Variants in SLC35D1 observed in about 807,000 individuals in gnomAD.
SLC35D1 encodes nucleotide sugar transporter SLC35D1.
SLC35D1 carries 31 observed loss-of-function variants against 46.7 expected under a neutral mutation model. The observed-to-expected ratio is 0.66, with a 90% CI of 0.50 to 0.90. The LOEUF is 0.90. Ranked by LOEUF, SLC35D1 falls within the 40% of genes least tolerant of loss-of-function variation. SLC35D1 has a pLI of 0.00. For synonymous variants in SLC35D1, 195 were observed against 164.6 expected, an observed-to-expected ratio of 1.18 and a Z score of -1.41; for missense variants, 397 against 426.2, an observed-to-expected ratio of 0.93 and a Z score of 0.60.
chr1:67,015,301 CTAAT>C (rs1667662089), intron 10 of SLC35D1, among the ~76,000 whole-genome samples: 1 of 150,964 alleles, frequency 6.6e-6, no homozygotes, highest in Non-Finnish European at 1.5e-5. Context: ...TGTGGTCAAA[CTAAT>C]TAAAATTAAA....
At chr1:67,020,952 A>G (rs1255060103) in intron 9 of SLC35D1, among the ~76,000 whole-genome samples, 1 of 152,242 alleles carries the variant, frequency 6.6e-6, no homozygotes, top group Non-Finnish European at 1.5e-5. Flanking sequence ...GAGGCTTCTC[A>G]GCTTAAGTAC....
intron 8 of SLC35D1, among the ~76,000 whole-genome samples, chr1:67,034,404 C>T (rs1382205737): frequency 1.3e-5 from 2 of 152,068 alleles, no homozygotes; most frequent in African/African-American, 4.8e-5. Flanking sequence ...AAAGACTTTT[C>T]ACTTCTTTGG....
chr1:67,019,817 A>T (rs1418262851), intron 10 of SLC35D1, among the ~76,000 whole-genome samples: 1 of 152,198 alleles, frequency 6.6e-6, no homozygotes, highest in Non-Finnish European at 1.5e-5. Context: ...ACTTTAGCTC[A>T]ATATTCAAGT....
chr1:67,013,157 G>GATAGATAGATAGATAGAGATATAT (rs1553264879), intron 10 of SLC35D1, among the ~76,000 whole-genome samples: 1 of 29,834 alleles, frequency 3.4e-5, no homozygotes, highest in African/African-American at 1.8e-4. Flanking sequence ...ATATCCTGGA[G>GATAGATAGATAGATAGAGATATAT]ATATATATAT....
the SLC35D1 span, among the ~76,000 whole-genome samples, chr1:66,976,899 A>G: frequency 2.6e-5 from 4 of 152,324 alleles, no homozygotes; most frequent in African/African-American, 4.8e-5. Flanking sequence ...CATCTATTAT[A>G]TCTTCATAAA....
At chr1:66,990,357 C>A in the SLC35D1 span, among the ~76,000 whole-genome samples, 2 of 152,132 alleles carry the variant, frequency 1.3e-5, no homozygotes, top group Non-Finnish European at 2.9e-5. Context: ...TCACTGCAGC[C>A]TCAACCTCTC....
chr1:67,004,311 C>T lies in SLC35D1; in HGVS notation c.*29G>A. On this transcript the variant is annotated 3_prime_UTR_variant, in exon 12 of 12. Coordinates refer to ENST00000235345, the MANE Select transcript of SLC35D1 (RefSeq NM_015139.3). The stretch of plus-strand genomic sequence containing the variant: ...GTTCTGAGTTGATTAAAAACTTAGG[C>T]CTACGTATCAGATGAAGCAATCCTC... 6.3e-7 allele frequency: 1 copy of T among 1,593,314 alleles called. No homozygotes were observed. The highest frequency in any genetic ancestry group is 1.7e-5 in the Admixed American group (1 of 59,966).
intron 7 of SLC35D1, among the ~76,000 whole-genome samples, chr1:67,044,332 G>GA (rs11305986): frequency 9.9e-3 from 102 of 10,276 alleles, no homozygotes; most frequent in East Asian, 0.067. Flanking sequence ...GACTCCATCT[G>GA]AAAAAAAAAA....
chr1:67,014,670 G>GTTTTTTTTTTTTTTTTTTTTTTTTGTT (rs34459732), intron 10 of SLC35D1, among the ~76,000 whole-genome samples: 1 of 99,988 alleles, frequency 1.0e-5, no homozygotes, highest in Non-Finnish European at 1.9e-5. Context: ...TCAATTTTTA[G>GTTTTTTTTTTTTTTTTTTTTTTTTGTT]TTTTTTTTTT....
chr1:67,037,052 A>G (rs1037430090), intron 8 of SLC35D1, among the ~76,000 whole-genome samples: 1 of 152,128 alleles, frequency 6.6e-6, no homozygotes, highest in Non-Finnish European at 1.5e-5. Flanking sequence ...TAAACAAACA[A>G]GCAAAAAGAA....
At chr1:67,016,984 T>C (rs1249592776) in intron 10 of SLC35D1, among the ~76,000 whole-genome samples, 1 of 152,144 alleles carries the variant, frequency 6.6e-6, no homozygotes, top group Non-Finnish European at 1.5e-5. Flanking sequence ...TCGAGTTATT[T>C]TATGATATCA....
rs558274589 is a variant in SLC35D1 at position 67,001,935 on chromosome 1, C to T, written c.*2405G>A. The T allele has an allele frequency of 6.6e-6, 1 of 152,334 alleles. No homozygotes were observed. The highest frequency in any genetic ancestry group is 2.1e-4 in the South Asian group (1 of 4,824). The allele number at this position is 152,334 out of a possible 1,614,324, so 9.4% of individuals were successfully genotyped here. On this transcript the variant is annotated 3_prime_UTR_variant, in exon 12 of 12. Coordinates refer to ENST00000235345, the MANE Select transcript of SLC35D1 (RefSeq NM_015139.3). ...AGCCTGTCACGTGCATTTAGTGAAG[C>T]TGTAACTACACAATGTTCTCAAATA...
Position 67,004,156 on chromosome 1 carries a change from G to A in SLC35D1, c.*184C>T, listed in dbSNP as rs1667398278. 1.6e-5 allele frequency: 10 copies of A among 607,778 alleles called. No individual in the cohort carries two copies. Among genetic ancestry groups the A allele is most frequent in the Non-Finnish European group, 2.4e-5 (8 of 337,514 alleles). 37.6% of individuals were successfully genotyped at this position (607,778 alleles called of 1,614,324 possible). A position where few individuals can be genotyped will look rare whatever the true frequency, so the allele number is the denominator to read the frequency against. On this transcript the variant is annotated 3_prime_UTR_variant, in exon 12 of 12. Transcript: ENST00000235345. ...ATTCAAACAACATATTTAAAATAGA[G>A]TCAATTATAAGTTTCTCTCTTCATA...
chr1:67,037,228 T>C (rs1423914061), intron 8 of SLC35D1, among the ~76,000 whole-genome samples: 1 of 152,178 alleles, frequency 6.6e-6, no homozygotes, highest in Non-Finnish European at 1.5e-5. Context: ...GTAGTTTACA[T>C]ACCACAGTCA....
intron 7 of SLC35D1, among the ~76,000 whole-genome samples, chr1:67,045,342 T>G (rs1007160207): frequency 6.6e-6 from 1 of 152,240 alleles, no homozygotes; most frequent in African/African-American, 2.4e-5. Context: ...ATCTGTATTA[T>G]TATGTTTATG....
At chr1:67,023,983 C>T (rs1453370648) in intron 8 of SLC35D1, among the ~76,000 whole-genome samples, 3 of 150,518 alleles carry the variant, frequency 2.0e-5, no homozygotes, top group Non-Finnish European at 1.5e-5. Context: ...CTCACTATGT[C>T]GCCCAGGCTG....
chr1:67,007,079 C>T (rs562105957), intron 11 of SLC35D1, among the ~76,000 whole-genome samples: 1 of 152,290 alleles, frequency 6.6e-6, no homozygotes, highest in Non-Finnish European at 1.5e-5. Flanking sequence ...CTCTTCTCCC[C>T]TACCTTCCCT....
the SLC35D1 span, chr1:66,985,240 T>G: frequency 1.0e-6 from 1 of 971,568 alleles, no homozygotes; most frequent in South Asian, 4.8e-5. Flanking sequence ...ATTTGATGTA[T>G]TAATCATAAA....
chr1:67,039,939 T>C (rs1480547313), intron 8 of SLC35D1, among the ~76,000 whole-genome samples: 1 of 152,042 alleles, frequency 6.6e-6, no homozygotes, highest in Non-Finnish European at 1.5e-5. Context: ...TGGAGGTGGC[T>C]AGTTTTCTGC....
Sources: gnomAD v4.1 joint callset for allele counts (sites outside exome capture counted in the v4.1 genomes callset) on GRCh38, gnomAD v4.1.1 for gene constraint, MANE v1.5 for transcripts, NCBI Gene and HGNC (gene_info 2026-07-23, HGNC 2026-07-21) for gene names.